SFRP1: variants seen among roughly 807,000 people sequenced by gnomAD.
The protein encoded by SFRP1 is secreted frizzled-related protein 1.
SFRP1 carries 9 observed loss-of-function variants against 25.9 expected under a neutral mutation model. That is an observed-to-expected ratio of 0.35 (90% CI 0.21 to 0.61). SFRP1 has a LOEUF of 0.61. SFRP1 is among the 20% of genes least tolerant of loss of function. SFRP1 has a pLI of 0.78. For synonymous variants in SFRP1, 178 were observed against 174.0 expected (o/e 1.02, Z -0.18); for missense variants, 346 against 418.2 (o/e 0.83, Z 1.51).
chr8:41,289,087 C>A (rs1803744239), intron 2 of SFRP1, among the ~76,000 whole-genome samples: 1 of 152,218 alleles, frequency 6.6e-6, no homozygotes, highest in Non-Finnish European at 1.5e-5. Context: ...TTTTCATCTG[C>A]TCCACCCTCT....
Position 41,297,218 on chromosome 8 carries a change from A to G in SFRP1, c.622+6243T>C, listed in dbSNP as rs139093486. 3.5e-3 allele frequency among the ~76,000 whole-genome samples: 530 copies of G among 152,010 alleles called. 3 individuals are homozygous for G. Among genetic ancestry groups the G allele is most frequent in the African/African-American group, 0.012 (513 of 41,462 alleles). ...GCCACCATGCCCAGCTAATTTTTGT[A>G]TTTTTAGTAGAGATGGGGTTTCGCC... On this transcript the variant is annotated intron_variant, in intron 2 of 2. Coordinates refer to ENST00000220772, the MANE Select transcript of SFRP1 (RefSeq NM_003012.5).
At chr8:41,302,596 G>A (rs1199938190) in intron 2 of SFRP1, among the ~76,000 whole-genome samples, 1 of 152,202 alleles carries the variant, frequency 6.6e-6, no homozygotes, top group Non-Finnish European at 1.5e-5. Context: ...GTGTGGCTTG[G>A]CCGGAGCCAC....
At chr8:41,269,410 G>C (rs920423812) in intron 2 of SFRP1, among the ~76,000 whole-genome samples, 3 of 152,146 alleles carry the variant, frequency 2.0e-5, no homozygotes, top group South Asian at 2.1e-4. Flanking sequence ...GCCTGCCTGG[G>C]TCTTTCTCGG....
intron 2 of SFRP1, among the ~76,000 whole-genome samples, chr8:41,302,977 C>T (rs1803944634): frequency 6.6e-6 from 1 of 151,678 alleles, no homozygotes; most frequent in Non-Finnish European, 1.5e-5. Context: ...TGAACTCTCC[C>T]CTCCCTGGGA....
At chr8:41,306,258 T>A (rs1470417100) in intron 1 of SFRP1, among the ~76,000 whole-genome samples, 1 of 152,068 alleles carries the variant, frequency 6.6e-6, no homozygotes, top group African/African-American at 2.4e-5. Flanking sequence ...CAAAACTGAA[T>A]TTGCCCAAGT....
intron 2 of SFRP1, among the ~76,000 whole-genome samples, chr8:41,268,302 G>C (rs983112207): frequency 4.6e-5 from 7 of 152,180 alleles, no homozygotes; most frequent in Non-Finnish European, 7.4e-5. Context: ...GCCACAGTTT[G>C]TAAGAGACAG....
At chr8:41,265,857 C>T (rs766077262) in intron 2 of SFRP1, among the ~76,000 whole-genome samples, 33 of 152,086 alleles carry the variant, frequency 2.2e-4, no homozygotes, top group Non-Finnish European at 3.5e-4. Flanking sequence ...AAATGAAAGG[C>T]AAGTAACAAG....
At chr8:41,280,166 G>A (rs907833896) in intron 2 of SFRP1, among the ~76,000 whole-genome samples, 20 of 152,176 alleles carry the variant, frequency 1.3e-4, no homozygotes, top group African/African-American at 7.2e-5. Context: ...GAGGGCTGAC[G>A]GAGCTCATAC....
Position 41,265,437 on chromosome 8 carries a change from A to C in SFRP1, c.675T>G (p.Ile225Met), listed in dbSNP as rs1461581988. ...EVKKENGDKK[I>M]VPKKKKPLKL... ...TCAGGGGCTTCTTCTTCTTGGGGAC[A>C]ATCTTCTTGTCGCCATTTTCTTTTT... The change falls in exon 3 of 3, where the codon ATT becomes ATG. Residue 225 changes from isoleucine to methionine, a missense_variant. Ile to Met is a conservative substitution (Grantham distance 10). Transcript: ENST00000220772. 4.3e-6 allele frequency: 7 copies of C among 1,609,952 alleles called. No homozygotes were observed. In the South Asian group the frequency reaches 6.7e-5, roughly 15 times the overall value.
chr8:41,280,214 C>T (rs919827094), intron 2 of SFRP1, among the ~76,000 whole-genome samples: 2 of 152,172 alleles, frequency 1.3e-5, no homozygotes, highest in African/African-American at 2.4e-5. Context: ...GGGGATGGTG[C>T]GGCAAAGCCC....
chr8:41,302,206 A>G (rs1280565149), intron 2 of SFRP1, among the ~76,000 whole-genome samples: 1 of 152,198 alleles, frequency 6.6e-6, no homozygotes, highest in Non-Finnish European at 1.5e-5. Flanking sequence ...ATCACAGAGA[A>G]CACATCAATC....
intron 2 of SFRP1, among the ~76,000 whole-genome samples, chr8:41,288,529 C>A (rs1803735541): frequency 2.1e-5 from 1 of 47,432 alleles, no homozygotes; most frequent in African/African-American, 8.9e-5. Context: ...GAGACCCTGT[C>A]CAAAAAAAAA....
At chr8:41,296,032 C>T (rs1192548413) in intron 2 of SFRP1, among the ~76,000 whole-genome samples, 1 of 152,196 alleles carries the variant, frequency 6.6e-6, no homozygotes, top group Non-Finnish European at 1.5e-5. Context: ...GGCACTCAAA[C>T]CCAGGGAGGC....
At chr8:41,303,092 C>A (rs1251151439) in intron 2 of SFRP1, among the ~76,000 whole-genome samples, 4 of 150,026 alleles carry the variant, frequency 2.7e-5, no homozygotes, top group East Asian at 2.0e-4. Flanking sequence ...CCGGAAAAAA[C>A]CGGGCCCAAC....
chr8:41,307,516 C>A lies in SFRP1; in HGVS notation c.544+1100G>T, dbSNP rs77784667. Among the ~76,000 whole-genome samples, 1,237 of 152,238 alleles carry A rather than the reference C, an allele frequency of 8.1e-3. 13 individuals are homozygous for A. The highest frequency in any genetic ancestry group is 0.028 in the African/African-American group (1,171 of 41,536). On this transcript the variant is annotated intron_variant, in intron 1 of 2. Transcript: ENST00000220772. ...AGTGTAGGCAGTCTTTCTCCCCCACCCTAAAGGCCCTCCTCAAAAAGCCCT... is the reference window on the plus strand; with the variant it reads ...AGTGTAGGCAGTCTTTCTCCCCCACACTAAAGGCCCTCCTCAAAAAGCCCT...
intron 2 of SFRP1, among the ~76,000 whole-genome samples, chr8:41,302,541 A>G (rs1206967440): frequency 6.6e-6 from 1 of 152,232 alleles, no homozygotes; most frequent in Non-Finnish European, 1.5e-5. Flanking sequence ...CAAGGCAGGA[A>G]TTATGAGAAA....
intron 2 of SFRP1, 119 bp downstream of exon 2, chr8:41,303,342 G>C: frequency 1.3e-6 from 1 of 753,040 alleles, no homozygotes; most frequent in Non-Finnish European, 2.3e-6. Context: ...CATTTGGAGA[G>C]GAATGAGGTA....
intron 2 of SFRP1, among the ~76,000 whole-genome samples, chr8:41,294,923 G>C (rs114765738): frequency 9.2e-5 from 14 of 152,228 alleles, no homozygotes; most frequent in Non-Finnish European, 4.4e-5. Flanking sequence ...TGAGTTATGG[G>C]AGCTACCCAC....
chr8:41,284,813 A>C (rs1803678246), intron 2 of SFRP1, among the ~76,000 whole-genome samples: 1 of 152,230 alleles, frequency 6.6e-6, no homozygotes, highest in Non-Finnish European at 1.5e-5. Context: ...CTGGCAGGCT[A>C]ACATGGCCTG....
Sources: allele counts gnomAD v4.1 joint callset (sites outside exome capture counted in the v4.1 genomes callset), GRCh38; gene constraint gnomAD v4.1.1; transcripts MANE v1.5; gene names NCBI Gene and HGNC (gene_info 2026-07-23, HGNC 2026-07-21).